The following LYAR variants were observed in gnomAD, a reference collection of about 807,000 sequenced individuals.
The protein encoded by LYAR is cell growth-regulating nucleolar protein.
A neutral mutation model predicts 45.2 loss-of-function variants in LYAR; 37 were observed. That is an observed-to-expected ratio of 0.82 (90% CI 0.63 to 1.08). The LOEUF is 1.08. Among genes scored for constraint, LYAR ranks in the 50% least tolerant of loss-of-function variants. LYAR has a pLI of 0.00. For missense variants in LYAR, 493 were observed against 451.0 expected (o/e 1.09, Z -0.84); for synonymous variants, 176 against 155.1 (o/e 1.14, Z -1.00).
Position 4,281,875 on chromosome 4 carries a change from C to T in LYAR, c.145G>A (p.Val49Met), listed in dbSNP as rs151107558. 50 of 1,614,066 alleles carry T rather than the reference C, an allele frequency of 3.1e-5. No individual in the cohort carries two copies. In the East Asian group the frequency reaches 5.6e-4, roughly 18 times the overall value. Residue 49 changes from valine (V) to methionine (M), a missense_variant, in exon 4 of 10, where the codon GTG (valine) becomes ATG (methionine). Coordinates refer to ENST00000343470, the MANE Select transcript of LYAR (RefSeq NM_017816.3). The stretch of plus-strand genomic sequence containing the variant: ...TTCTGATCTTCACTTATGCATTTCA[C>T]GTGGTTTTTATAGTCATCGCCCCTT... ...DFWGDDYKNH[V>M]KCISEDQKYG... is the part of the protein sequence containing the mutation.
chr4:4,285,213 A>G (rs1719558384), intron 2 of LYAR, among the ~76,000 whole-genome samples: 1 of 152,198 alleles, frequency 6.6e-6, no homozygotes, highest in Non-Finnish European at 1.5e-5. Flanking sequence ...TCAGCTCACT[A>G]TCAGTGTATG....
chr4:4,281,632 T>TC (rs1426030811), intron 4 of LYAR, 151 bp downstream of exon 4: 2 of 622,074 alleles, frequency 3.2e-6, no homozygotes, highest in Non-Finnish European at 5.7e-6. Flanking sequence ...GAATTCTTTT[T>TC]CAAGAGGTTT....
intron 8 of LYAR, among the ~76,000 whole-genome samples, chr4:4,269,915 T>C (rs530006252): frequency 1.3e-5 from 2 of 152,320 alleles, no homozygotes; most frequent in East Asian, 1.9e-4. Context: ...ACAATGTACA[T>C]GTATAATAAA....
At chr4:4,282,179 G>A (rs971881628) in intron 3 of LYAR, among the ~76,000 whole-genome samples, 17 of 152,266 alleles carry the variant, frequency 1.1e-4, no homozygotes, top group Admixed American at 4.6e-4. Flanking sequence ...TAAGTCATAA[G>A]TGTACATATA....
chr4:4,267,716 C>T lies in LYAR; in HGVS notation c.*173G>A. 2.1e-6 allele frequency: 1 copy of T among 481,714 alleles called. No individual in the cohort carries two copies. Among genetic ancestry groups the T allele is most frequent in the Non-Finnish European group, 3.4e-6 (1 of 290,546 alleles). The allele number at this position is 481,714 out of a possible 1,614,324, so 29.8% of individuals were successfully genotyped here. On this transcript the variant is annotated 3_prime_UTR_variant, in exon 10 of 10. Transcript: ENST00000343470. ...CCACAACAAATTTAGAAGTTTGGAC[C>T]AGAATATATTTTATTTTTCTCATAA...
chr4:4,277,308 A>T (rs1719220904), intron 6 of LYAR, among the ~76,000 whole-genome samples: 1 of 152,078 alleles, frequency 6.6e-6, no homozygotes, highest in Non-Finnish European at 1.5e-5. Context: ...CAGCCTCCCA[A>T]AGTGCTGGGA....
chr4:4,273,502 C>T, intron 8 of LYAR, 81 bp downstream of exon 8: 3 of 976,926 alleles, frequency 3.1e-6, no homozygotes, highest in Non-Finnish European at 1.6e-6. Flanking sequence ...GACCCTCCTG[C>T]CCCTGCCTCT....
chr4:4,289,822 C>A (rs1719786253), intron 1 of LYAR: 1 of 152,226 alleles, frequency 6.6e-6, no homozygotes, highest in Non-Finnish European at 1.5e-5. Context: ...GAGGGAGTTC[C>A]CAGGACGCCG....
At chr4:4,286,663 T>TTTTTTTTG (rs58226618) in intron 1 of LYAR, 91 bp from the exon 2 acceptor site, 3 of 140,388 alleles carry the variant, frequency 2.1e-5, no homozygotes, top group African/African-American at 7.8e-5. Flanking sequence ...TTTTTTTTTT[T>TTTTTTTTG]GAGAAAGGAG....
At chr4:4,273,408 T>G (rs1190752497) in intron 8 of LYAR, among the ~76,000 whole-genome samples, 175 bp downstream of exon 8, 1 of 152,220 alleles carries the variant, frequency 6.6e-6, no homozygotes, top group East Asian at 1.9e-4. Context: ...ACCGTGTATT[T>G]CTCTCTTTTC....
rs1393706862 is a variant in LYAR, at chr4:4,283,729, G to A, written c.14C>T (p.Thr5Ile). 6.2e-7 allele frequency: 1 copy of A among 1,610,654 alleles called. No homozygotes were observed. The highest frequency in any genetic ancestry group is 1.3e-5 in the African/African-American group (1 of 74,898). The part of the protein sequence containing the change: MVFF[T>I]CNACGESVKK... ...CACTGATTCACCACATGCATTGCAT[G>A]TAAAAAATACCATTTTTAGGTAAAT... The change falls in exon 3 of 10, where the codon ACA becomes ATA. Residue 5 changes from threonine (T) to isoleucine (I), a missense_variant. By Grantham distance (89) the Thr-to-Ile change is moderately conservative (BLOSUM62 -1). Transcript: ENST00000343470.
chr4:4,277,618 T>C (rs1719237403), intron 6 of LYAR, among the ~76,000 whole-genome samples: 1 of 152,216 alleles, frequency 6.6e-6, no homozygotes, highest in African/African-American at 2.4e-5. Flanking sequence ...GAGCACCTCC[T>C]TCAGTCCTGG....
chr4:4,283,550 C>T (rs1644842370), intron 3 of LYAR, 71 bp downstream of exon 3: 7 of 1,513,734 alleles, frequency 4.6e-6, no homozygotes, highest in Non-Finnish European at 6.2e-6. Context: ...TTTTTCCAAG[C>T]TTTGTGGCGC....
chr4:4,270,966 A>T (rs115000764), intron 8 of LYAR, among the ~76,000 whole-genome samples: 338 of 152,352 alleles, frequency 2.2e-3, no homozygotes, highest in African/African-American at 7.8e-3. Flanking sequence ...TACTTACATC[A>T]GAGTAAATGG....
At chr4:4,270,406 C>G (rs1300368178) in intron 8 of LYAR, among the ~76,000 whole-genome samples, 1 of 148,092 alleles carries the variant, frequency 6.8e-6, no homozygotes, top group Non-Finnish European at 1.5e-5. Flanking sequence ...AAATAAAAAC[C>G]ATTTGCCCTA....
intron 6 of LYAR, among the ~76,000 whole-genome samples, 164 bp downstream of exon 6, chr4:4,279,283 G>A (rs1269268578): frequency 3.3e-5 from 5 of 152,098 alleles, no homozygotes; most frequent in Non-Finnish European, 7.4e-5. Flanking sequence ...AGTGAGCCAC[G>A]ATCGCACCAC....
chr4:4,274,130 A>G (rs749664871), intron 7 of LYAR, among the ~76,000 whole-genome samples: 2 of 152,054 alleles, frequency 1.3e-5, no homozygotes, highest in African/African-American at 2.4e-5. Flanking sequence ...TCAGCTACTC[A>G]GGAGGCTGAG....
intron 8 of LYAR, among the ~76,000 whole-genome samples, chr4:4,270,454 CT>C (rs1196213515): frequency 6.7e-6 from 1 of 148,216 alleles, no homozygotes; most frequent in African/African-American, 2.5e-5. Context: ...AGCAAAAAGA[CT>C]GAAAAAAAAT....
At position 4,279,634 on chromosome 4, in the gene LYAR, A is replaced by G; in HGVS notation, c.345+8T>C. 3.1e-6 allele frequency: 5 copies of G among 1,611,128 alleles called. No homozygotes were observed. Among genetic ancestry groups the G allele is most frequent in the Middle Eastern group, 1.6e-4 (1 of 6,062 alleles). Reference sequence around the variant, plus strand: ...CGGCCCCCTCCATTCAAGAAAGTCAATTCATACCTGAAATTTTGCCTTTTT... The same window carrying G: ...CGGCCCCCTCCATTCAAGAAAGTCAGTTCATACCTGAAATTTTGCCTTTTT... On this transcript the variant is annotated splice_region_variant and intron_variant, in intron 5 of 9. Transcript: ENST00000343470.
Sources: allele counts gnomAD v4.1 joint callset (sites outside exome capture counted in the v4.1 genomes callset), GRCh38; gene constraint gnomAD v4.1.1; transcripts MANE v1.5; gene names NCBI Gene and HGNC (gene_info 2026-07-23, HGNC 2026-07-21).